Variants in GBE1 observed in about 807,000 individuals in gnomAD.
GBE1 encodes the protein 1,4-alpha-glucan-branching enzyme.
Under a neutral mutation model 88.8 loss-of-function variants are expected in GBE1, and 70 were observed. That is an observed-to-expected ratio of 0.79 (90% CI 0.65 to 0.96). The LOEUF is 0.96. Among genes scored for constraint, GBE1 ranks in the 40% least tolerant of loss-of-function variants. The pLI is 0.00. For missense variants in GBE1, 872 were observed against 871.0 expected (o/e 1.00, Z -0.01); for synonymous variants, 284 against 300.1 (o/e 0.95, Z 0.56).
chr3:81,612,145 T>C (rs1704189724), intron 7 of GBE1: 1 of 319,810 alleles, frequency 3.1e-6, no homozygotes, highest in African/African-American at 2.3e-5. Flanking sequence ...GAATGGTTCA[T>C]AAGACATTTT....
intron 2 of GBE1, among the ~76,000 whole-genome samples, chr3:81,698,677 G>A (rs751763620): frequency 1.2e-4 from 19 of 152,118 alleles, no homozygotes; most frequent in Non-Finnish European, 2.1e-4. Context: ...ATGGGATTGG[G>A]GGAGGAAACT....
intron 9 of GBE1, among the ~76,000 whole-genome samples, chr3:81,588,007 C>G (rs1703822740): frequency 6.6e-6 from 1 of 152,112 alleles, no homozygotes; most frequent in Non-Finnish European, 1.5e-5. Context: ...TTTTCTGCAT[C>G]TGTCAATGCC....
intron 2 of GBE1, among the ~76,000 whole-genome samples, chr3:81,682,386 CAGA>C (rs1272748265): frequency 6.6e-6 from 1 of 152,042 alleles, no homozygotes; most frequent in Non-Finnish European, 1.5e-5. Context: ...TGATTGAGCC[CAGA>C]AGGTCAAGGC....
intron 12 of GBE1, among the ~76,000 whole-genome samples, chr3:81,577,103 A>G (rs1021859779): frequency 9.5e-5 from 14 of 146,998 alleles, no homozygotes; most frequent in Non-Finnish European, 2.0e-4. Context: ...CACACCCAGC[A>G]TTTTTTTTTT....
At chr3:81,674,908 A>G (rs1246203888) in intron 2 of GBE1, among the ~76,000 whole-genome samples, 1 of 151,982 alleles carries the variant, frequency 6.6e-6, no homozygotes, top group African/African-American at 2.4e-5. Flanking sequence ...TTGCTTCTCT[A>G]CCAAGCATAG....
intron 1 of GBE1, among the ~76,000 whole-genome samples, chr3:81,719,167 A>C (rs1418068271): frequency 6.6e-6 from 1 of 152,138 alleles, no homozygotes; most frequent in Non-Finnish European, 1.5e-5. Context: ...AAATTCACAA[A>C]GTATGTTAAC....
intron 9 of GBE1, among the ~76,000 whole-genome samples, chr3:81,588,972 A>G (rs972712761): frequency 1.3e-5 from 2 of 152,088 alleles, no homozygotes; most frequent in African/African-American, 4.8e-5. Context: ...ATTAATGCAT[A>G]TGAGTTGTTT....
chr3:81,642,496 C>T, intron 7 of GBE1: 1 of 257,600 alleles, frequency 3.9e-6, no homozygotes, highest in Non-Finnish European at 7.2e-6. Context: ...ATAAAGTGGC[C>T]TTTTAGATAT....
intron 7 of GBE1, chr3:81,612,747 C>T (rs62265450): frequency 2.2e-6 from 1 of 451,762 alleles, no homozygotes; most frequent in Non-Finnish European, 4.3e-6. Context: ...TTTAGGCAAG[C>T]CTGCAGGAGC....
intron 12 of GBE1, among the ~76,000 whole-genome samples, chr3:81,554,932 T>C (rs2106900650): frequency 6.6e-6 from 1 of 152,314 alleles, no homozygotes; most frequent in South Asian, 2.1e-4. Context: ...CTTTGGATGA[T>C]GCTTCTATTG....
intron 3 of GBE1, among the ~76,000 whole-genome samples, chr3:81,670,459 C>T (rs916388804): frequency 6.6e-6 from 1 of 152,164 alleles, no homozygotes; most frequent in Non-Finnish European, 1.5e-5. Flanking sequence ...TCAATTTCAC[C>T]CGACCTCTTT....
chr3:81,509,859 T>C (rs575457677), intron 14 of GBE1, among the ~76,000 whole-genome samples: 1 of 152,100 alleles, frequency 6.6e-6, no homozygotes, highest in South Asian at 2.1e-4. Flanking sequence ...TTTTAAAAGA[T>C]TTCATATTCT....
At chr3:81,667,406 C>A (rs547534599) in intron 3 of GBE1, among the ~76,000 whole-genome samples, 191 of 152,302 alleles carry the variant, frequency 1.3e-3, no homozygotes, top group Non-Finnish European at 2.3e-3. Flanking sequence ...GACAATTTGA[C>A]TTCCTCTCTT....
At chr3:81,569,153 T>C (rs1015050167) in intron 12 of GBE1, among the ~76,000 whole-genome samples, 5 of 152,134 alleles carry the variant, frequency 3.3e-5, no homozygotes, top group African/African-American at 1.2e-4. Context: ...TTCCCAAATG[T>C]CCAAATTACA....
At chr3:81,755,394 G>C (rs936059369) in intron 1 of GBE1, among the ~76,000 whole-genome samples, 4 of 148,220 alleles carry the variant, frequency 2.7e-5, no homozygotes, top group African/African-American at 9.9e-5. Context: ...TAGCCACTTG[G>C]AAAAAAAAAC....
intron 1 of GBE1, among the ~76,000 whole-genome samples, chr3:81,710,321 G>A (rs1180677617): frequency 2.4e-5 from 3 of 127,472 alleles, no homozygotes; most frequent in Admixed American, 9.6e-5. Flanking sequence ...TACAAGCTCC[G>A]CCTCCCAGGT....
intron 8 of GBE1, among the ~76,000 whole-genome samples, chr3:81,592,766 C>T (rs527317724): frequency 3.6e-4 from 55 of 152,036 alleles, no homozygotes; most frequent in African/African-American, 1.3e-3. Context: ...TCTGCAGGGG[C>T]ACGTAGGTGT....
chr3:81,630,252 C>T (rs1019019362), intron 7 of GBE1, among the ~76,000 whole-genome samples: 1 of 152,038 alleles, frequency 6.6e-6, no homozygotes, highest in Non-Finnish European at 1.5e-5. Flanking sequence ...CAAACCACTA[C>T]TCAATGAAAT....
chr3:81,621,777 C>A (rs1418184321), intron 7 of GBE1, among the ~76,000 whole-genome samples: 1 of 152,170 alleles, frequency 6.6e-6, no homozygotes, highest in African/African-American at 2.4e-5. Flanking sequence ...CTCTCCCACT[C>A]TTGCAGTGGA....
Sources: allele counts gnomAD v4.1 joint callset (sites outside exome capture counted in the v4.1 genomes callset), GRCh38; gene constraint gnomAD v4.1.1; transcripts MANE v1.5; gene names NCBI Gene and HGNC (gene_info 2026-07-23, HGNC 2026-07-21).